Variants in TRPC6 observed in about 807,000 individuals in gnomAD.
The protein encoded by TRPC6 is short transient receptor potential channel 6.
In TRPC6, 55 loss-of-function variants were observed where a neutral mutation model predicts 90.7. The ratio of observed to expected loss-of-function variants is 0.61; its 90% CI spans 0.49 to 0.76. The LOEUF (loss-of-function observed/expected upper bound fraction) is 0.76. Ranked by LOEUF, TRPC6 falls within the 30% of genes least tolerant of loss-of-function variation. TRPC6 has a pLI of 0.00. For missense variants in TRPC6, 989 were observed against 1,122.7 expected (o/e 0.88, Z 1.70); for synonymous variants, 393 against 393.0 (o/e 1.00, Z 0.00).
In TRPC6 at chr11:101,564,523, C is replaced by A. The variant is rs147636414; in HGVS notation, c.170+18811G>T. On this transcript the variant is annotated intron_variant, in intron 1 of 12. Transcript: ENST00000344327. ...GAAGCAGCAGTGGAGGCATCATTGT[C>A]TTCCTCCTGAATTTAAAAAGAGATG... 1.3e-3 allele frequency among the ~76,000 whole-genome samples: 200 copies of A among 152,206 alleles called. 2 individuals are homozygous for A. The highest frequency in any genetic ancestry group is 4.5e-3 in the African/African-American group (186 of 41,548).
At position 101,452,641 on chromosome 11, in the gene TRPC6, G is replaced by C. The variant is rs199583740; in HGVS notation, c.*314C>G. The C allele has an allele frequency of 4.4e-4, 134 of 301,564 alleles. No individual in the cohort carries two copies. Among genetic ancestry groups the C allele is most frequent in the African/African-American group, 2.8e-3 (128 of 46,288 alleles). 18.7% of individuals were successfully genotyped at this position (301,564 alleles called of 1,614,324 possible). On this transcript the variant is annotated 3_prime_UTR_variant, in exon 13 of 13. Coordinates refer to ENST00000344327, the MANE Select transcript of TRPC6 (RefSeq NM_004621.6). Reference sequence around the variant, plus strand: ...AACGTGGGTCAGCCCCTGTCCGCTGGGACCCATTTTCAGGCAGACACTACA... The same window carrying C: ...AACGTGGGTCAGCCCCTGTCCGCTGCGACCCATTTTCAGGCAGACACTACA...
intron 10 of TRPC6, among the ~76,000 whole-genome samples, chr11:101,463,546 T>G (rs1051918227): frequency 6.6e-6 from 1 of 152,200 alleles, no homozygotes; most frequent in Non-Finnish European, 1.5e-5. Flanking sequence ...AGAGGGTGTA[T>G]GTGTCCAGGA....
At chr11:101,516,299 A>T (rs1351201874) in intron 1 of TRPC6, among the ~76,000 whole-genome samples, 1 of 152,056 alleles carries the variant, frequency 6.6e-6, no homozygotes, top group East Asian at 1.9e-4. Flanking sequence ...TCATTTCTTA[A>T]ATCTTATTTT....
chr11:101,582,540 C>A (rs1862220691), intron 1 of TRPC6, among the ~76,000 whole-genome samples: 1 of 144,488 alleles, frequency 6.9e-6, no homozygotes, highest in African/African-American at 2.6e-5. Flanking sequence ...TACTCCCTAC[C>A]TCCCCTCCCG....
Position 101,491,833 on chromosome 11 carries a change from A to ATTTTTTTTTTT in TRPC6, c.946-96_946-95insAAAAAAAAAAA, listed in dbSNP as rs200869151. 13 of 782,358 alleles carry ATTTTTTTTTTT rather than the reference A, an allele frequency of 1.7e-5. 1 individual carries two copies. The African/African-American group carries it at 3.0e-4, about 18-fold the overall frequency. The allele number at this position is 782,358 out of a possible 1,614,324, so 48.5% of individuals were successfully genotyped here. The stretch of plus-strand genomic sequence containing the variant: ...AAGGATTTTATACTTTAAGAGAAAC[A>ATTTTTTTTTTT]TTCTTTTTTTTTTTTTTTTTTTTTT... On this transcript the variant is annotated intron_variant, in intron 2 of 12. Coordinates refer to ENST00000344327, the MANE Select transcript of TRPC6 (RefSeq NM_004621.6).
rs776291284 is a variant in TRPC6 at position 101,504,339 on chromosome 11, A to C, written c.630T>G (p.Asp210Glu). The C allele has an allele frequency of 6.8e-6, 11 of 1,613,920 alleles. No individual in the cohort carries two copies. In the African/African-American group the frequency reaches 1.3e-4, roughly 20 times the overall value. Residue 210 changes from aspartate (D) to glutamate (E), a missense_variant, in exon 2 of 13, where the codon GAT (aspartate) becomes GAG (glutamate). Around this residue, in one of 4 missense-constraint regions of TRPC6, gnomAD observed 486 missense variants for 591.9 expected, o/e 0.82. Transcript: ENST00000344327. ...ELQQDDFYAY[D>E]EDGTRFSHDV... ...CATGGGAGAACCGTGTCCCATCTTC[A>C]TCATAGGCATAAAAATCATCTTGCT...
In TRPC6 at chr11:101,500,022, A is replaced by G. The variant is rs183689433; in HGVS notation, c.945+4002T>C. ...TATAAAATGTGTATATATATACGCA[A>G]TATAAAATGTGTATATATATACAAT... is the stretch of plus-strand genomic sequence containing the variant. On this transcript the variant is annotated intron_variant, in intron 2 of 12. Coordinates refer to ENST00000344327, the MANE Select transcript of TRPC6 (RefSeq NM_004621.6). 2.1e-4 allele frequency among the ~76,000 whole-genome samples: 21 copies of G among 101,120 alleles called. 4 individuals are homozygous for G. The highest frequency in any genetic ancestry group is 6.7e-4 in the East Asian group (3 of 4,468). The allele number at this position is 101,120 out of a possible 152,430, so 66.3% of individuals were successfully genotyped here. A position where few individuals can be genotyped will look rare whatever the true frequency, so the allele number is the denominator to read the frequency against.
chr11:101,478,904 G>A (rs772283545), intron 5 of TRPC6, among the ~76,000 whole-genome samples: 3 of 152,016 alleles, frequency 2.0e-5, no homozygotes, highest in African/African-American at 4.8e-5. Context: ...ACCCACCTGC[G>A]TGCTCATTAA....
At chr11:101,514,111 A>C (rs1183877850) in intron 1 of TRPC6, among the ~76,000 whole-genome samples, 1 of 152,206 alleles carries the variant, frequency 6.6e-6, no homozygotes, top group Non-Finnish European at 1.5e-5. Flanking sequence ...ATATGATTTC[A>C]GACATCATTA....
intron 1 of TRPC6, among the ~76,000 whole-genome samples, chr11:101,545,994 T>G (rs922051636): frequency 6.8e-6 from 1 of 147,580 alleles, no homozygotes; most frequent in South Asian, 2.2e-4. Context: ...AGAGTGAAGA[T>G]AAACTGAGTT....
chr11:101,482,996 GT>G lies in TRPC6; in HGVS notation c.1462del (p.Thr488HisfsTer15). On this transcript the variant is annotated frameshift_variant, in exon 5 of 13. Transcript: ENST00000344327. LOFTEE classifies it high-confidence loss of function. ...CATCTCCATCCATGAGAAGCAGGAT[GT>G]TTTCATCCTGAACAGCTGTTTTGCA... ...DNAKQLFRMK[T>X]SCFSWMEMLI... 2 of 1,614,038 alleles carry G rather than the reference GT, an allele frequency of 1.2e-6. No homozygotes were observed. The highest frequency in any genetic ancestry group is 1.7e-6 in the Non-Finnish European group (2 of 1,179,924).
intron 1 of TRPC6, among the ~76,000 whole-genome samples, chr11:101,574,059 C>T (rs10895145): frequency 1.3e-5 from 2 of 150,020 alleles, no homozygotes; most frequent in African/African-American, 5.0e-5. Flanking sequence ...CAGTCTACCT[C>T]TATGTAATTG....
chr11:101,503,750 C>T (rs1860186688), intron 2 of TRPC6, among the ~76,000 whole-genome samples: 1 of 152,046 alleles, frequency 6.6e-6, no homozygotes, highest in African/African-American at 2.4e-5. Flanking sequence ...CTTCATTTAC[C>T]CATCTAGACA....
chr11:101,553,469 T>C (rs1336582699), intron 1 of TRPC6, among the ~76,000 whole-genome samples: 1 of 152,116 alleles, frequency 6.6e-6, no homozygotes, highest in South Asian at 2.1e-4. Flanking sequence ...TCTCCCGGCC[T>C]ATTAACTCCT....
intron 2 of TRPC6, among the ~76,000 whole-genome samples, chr11:101,502,198 T>C (rs1244687520): frequency 1.3e-5 from 2 of 152,178 alleles, no homozygotes; most frequent in Non-Finnish European, 2.9e-5. Context: ...CATTTTGCAA[T>C]GCATTTAGGG....
Position 101,473,446 on chromosome 11 carries a change from G to A in TRPC6, c.2009+63C>T, listed in dbSNP as rs12362848. 0.25 allele frequency: 393,750 copies of A among 1,567,534 alleles called. 54,145 individuals are homozygous for A. The highest frequency in any genetic ancestry group is 0.55 in the African/African-American group (40,409 of 73,814). Reference sequence around the variant, plus strand: ...CATTATCCCATGGACTTACATAAACGCTGTTAAACTAATATTTATTTAATT... The same window carrying A: ...CATTATCCCATGGACTTACATAAACACTGTTAAACTAATATTTATTTAATT... On this transcript the variant is annotated intron_variant, in intron 7 of 12. Coordinates refer to ENST00000344327, the MANE Select transcript of TRPC6 (RefSeq NM_004621.6).
chr11:101,574,146 T>TCATCAC (rs1218367692), intron 1 of TRPC6, among the ~76,000 whole-genome samples: 2 of 151,092 alleles, frequency 1.3e-5, no homozygotes, highest in Admixed American at 6.6e-5. Context: ...AAGAAATCCT[T>TCATCAC]CATCACCAAT....
chr11:101,521,625 C>G (rs753665917), intron 1 of TRPC6, among the ~76,000 whole-genome samples: 11 of 152,182 alleles, frequency 7.2e-5, no homozygotes, highest in African/African-American at 9.7e-5. Flanking sequence ...AATGGTAGAT[C>G]CATTGACAGT....
chr11:101,519,439 G>A (rs566748879), intron 1 of TRPC6, among the ~76,000 whole-genome samples: 1 of 152,202 alleles, frequency 6.6e-6, no homozygotes, highest in African/African-American at 2.4e-5. Flanking sequence ...TTTTAACTAA[G>A]TGGAATATTT....
Sources: allele counts gnomAD v4.1 joint callset (sites outside exome capture counted in the v4.1 genomes callset), GRCh38; gene constraint gnomAD v4.1.1; regional missense constraint gnomAD v4.1.1; transcripts MANE v1.5; gene names NCBI Gene and HGNC (gene_info 2026-07-23, HGNC 2026-07-21).